Variants in OR1F1 observed in about 807,000 individuals in gnomAD.
OR1F1 encodes olfactory receptor 1F1.
For synonymous variants in OR1F1, 184 were observed against 156.7 expected (o/e 1.17, Z -1.30); for missense variants, 493 against 376.3 (o/e 1.31, Z -2.57).
the OR1F1 span, among the ~76,000 whole-genome samples, chr16:3,196,889 T>A: frequency 2.7e-5 from 4 of 150,520 alleles, no homozygotes; most frequent in Admixed American, 2.6e-4. Context: ...TTTGTTTTGT[T>A]TCTTTGAGAC....
the OR1F1 span, among the ~76,000 whole-genome samples, chr16:3,190,285 C>T: frequency 6.6e-6 from 1 of 152,190 alleles, no homozygotes; most frequent in Non-Finnish European, 1.5e-5. Flanking sequence ...ACGGACTGAA[C>T]CCTGGAACCC....
chr16:3,200,549 G>T (rs994841797), upstream of OR1F1, among the ~76,000 whole-genome samples: 7 of 152,252 alleles, frequency 4.6e-5, no homozygotes, highest in African/African-American at 1.4e-4. Flanking sequence ...AGTGAGCCAA[G>T]ATTGCGCCAC....
the OR1F1 span, chr16:3,189,844 C>T: frequency 1.3e-5 from 2 of 152,194 alleles, no homozygotes; most frequent in East Asian, 1.9e-4. Flanking sequence ...CGCCTACTAT[C>T]CCACTACCTC....
rs762410189 is a variant in OR1F1, at chr16:3,204,886, A to C, written c.640A>C (p.Ile214Leu). ...GGTCATGATCACCCCATTTCTTTGC[A>C]TCCTGGCTTCTTATATGCACATCAC... The change falls in exon 1 of 1, where the codon ATC becomes CTC. Residue 214 changes from isoleucine to leucine, a missense_variant. Ile to Leu is a conservative substitution (Grantham distance 5). Transcript: ENST00000304646. 88 of 1,614,082 alleles carry C rather than the reference A, an allele frequency of 5.5e-5. 1 individual carries two copies. In the Middle Eastern group the frequency reaches 1.6e-3, roughly 30 times the overall value.
At chr16:3,198,688 T>C in the OR1F1 span, among the ~76,000 whole-genome samples, 1 of 152,158 alleles carries the variant, frequency 6.6e-6, no homozygotes, top group Non-Finnish European at 1.5e-5. Flanking sequence ...CCTTTTTGTT[T>C]ACCCTTAAGA....
chr16:3,196,938 G>A, the OR1F1 span, among the ~76,000 whole-genome samples: 57 of 151,942 alleles, frequency 3.8e-4, 1 homozygote, highest in Non-Finnish European at 8.8e-5. Flanking sequence ...GTGCAGTGGT[G>A]CAATCTCAGC....
upstream of OR1F1, among the ~76,000 whole-genome samples, chr16:3,199,896 A>G (rs933304607): frequency 2.0e-5 from 3 of 151,786 alleles, no homozygotes; most frequent in African/African-American, 7.3e-5. Context: ...ATGCCTGGCA[A>G]TCCCAGCTAC....
upstream of OR1F1, among the ~76,000 whole-genome samples, chr16:3,202,383 GA>G (rs542659439): frequency 5.3e-5 from 8 of 152,278 alleles, no homozygotes; most frequent in African/African-American, 1.9e-4. Flanking sequence ...GGCTTTGCAA[GA>G]AGACACCTTG....
chr16:3,191,399 C>T, the OR1F1 span: 6 of 152,262 alleles, frequency 3.9e-5, no homozygotes, highest in African/African-American at 1.4e-4. Flanking sequence ...GTAGGGGACC[C>T]CCAGTGTGCC....
the OR1F1 span, among the ~76,000 whole-genome samples, chr16:3,192,696 C>T: frequency 3.3e-5 from 5 of 152,224 alleles, no homozygotes; most frequent in East Asian, 9.7e-4. Context: ...CCTCTCGCGC[C>T]GAGCCTGGAA....
upstream of OR1F1, among the ~76,000 whole-genome samples, chr16:3,199,380 T>C (rs1014125165): frequency 2.0e-5 from 3 of 152,040 alleles, no homozygotes; most frequent in African/African-American, 7.2e-5. Context: ...CAGTGTCTCA[T>C]GCCTGTAATC....
chr16:3,194,391 A>G, the OR1F1 span, among the ~76,000 whole-genome samples: 2 of 152,348 alleles, frequency 1.3e-5, no homozygotes, highest in Admixed American at 1.3e-4. Context: ...ATGTACAAGG[A>G]TGTTTTATTG....
chr16:3,196,239 C>T, the OR1F1 span, among the ~76,000 whole-genome samples: 2 of 152,350 alleles, frequency 1.3e-5, no homozygotes, highest in Middle Eastern at 3.4e-3. Flanking sequence ...GTTTCCTTTT[C>T]CTTTGCAGCC....
chr16:3,192,079 CAG>C, the OR1F1 span, among the ~76,000 whole-genome samples: 50 of 152,238 alleles, frequency 3.3e-4, no homozygotes, highest in Admixed American at 3.2e-3. Flanking sequence ...ATTTTTGAGA[CAG>C]AGTCTCGCTC....
At chr16:3,204,353 T>G in exon 1 of OR1F1, 1 of 1,614,130 alleles carries the variant, frequency 6.2e-7, no homozygotes, top group Non-Finnish European at 8.5e-7. Context: ...AGCATGTACC[T>G]GGCCACTGTC....
chr16:3,192,028 G>GT, the OR1F1 span, among the ~76,000 whole-genome samples: 1,028 of 152,226 alleles, frequency 6.8e-3, 12 homozygotes, highest in African/African-American at 0.022. Context: ...CTTAGGATGC[G>GT]AGAGGTCCCG....
upstream of OR1F1, among the ~76,000 whole-genome samples, chr16:3,200,928 A>C (rs931632211): frequency 6.6e-6 from 1 of 152,222 alleles, no homozygotes; most frequent in African/African-American, 2.4e-5. Flanking sequence ...TCTGTTTCCA[A>C]AACGTTTTCG....
the OR1F1 span, chr16:3,191,486 AAC>A: frequency 6.6e-6 from 1 of 152,048 alleles, no homozygotes; most frequent in Non-Finnish European, 1.5e-5. Context: ...CTAGACATAA[AAC>A]GTTCCCAGGG....
chr16:3,202,801 C>G (rs1198236450), upstream of OR1F1, among the ~76,000 whole-genome samples: 1 of 151,868 alleles, frequency 6.6e-6, no homozygotes, highest in Non-Finnish European at 1.5e-5. Context: ...CATAAATTAC[C>G]TAGTTTAGTT....
Sources: allele counts gnomAD v4.1 joint callset (sites outside exome capture counted in the v4.1 genomes callset), GRCh38; gene constraint gnomAD v4.1.1; transcripts MANE v1.5; gene names NCBI Gene and HGNC (gene_info 2026-07-23, HGNC 2026-07-21).